The following CPEB3 variants were observed in gnomAD, a reference collection of about 807,000 sequenced individuals.
CPEB3 encodes the protein cytoplasmic polyadenylation element binding protein 3.
A neutral mutation model predicts 67.2 loss-of-function variants in CPEB3; 20 were observed. That is an observed-to-expected ratio of 0.30 (90% CI 0.21 to 0.43). The LOEUF is 0.43. Among genes scored for constraint, CPEB3 ranks in the 20% least tolerant of loss-of-function variants. CPEB3 has a pLI of 1.00. For missense variants in CPEB3, 746 were observed against 968.6 expected (o/e 0.77, Z 3.05); for synonymous variants, 376 against 393.1 (o/e 0.96, Z 0.51).
At position 92,132,694 on chromosome 10, in the gene CPEB3, C is replaced by T. The variant is rs766501608; in HGVS notation, c.1453+10335G>A. 5.2e-4 allele frequency among the ~76,000 whole-genome samples: 79 copies of T among 152,132 alleles called. 1 individual carries two copies. Among genetic ancestry groups the T allele is most frequent in the Non-Finnish European group, 8.4e-4 (57 of 68,032 alleles). On this transcript the variant is annotated intron_variant, in intron 6 of 9. Transcript: ENST00000265997. ...AATAGACGTCTACAGAACTCTCCAC[C>T]CCAAATCAACAGAACATACGTTCTT...
chr10:92,116,996 T>A (rs977826651), intron 6 of CPEB3, among the ~76,000 whole-genome samples: 1 of 152,136 alleles, frequency 6.6e-6, no homozygotes, highest in Non-Finnish European at 1.5e-5. Flanking sequence ...TGGCCAGGTG[T>A]GTGAAGTGTA....
intron 7 of CPEB3, among the ~76,000 whole-genome samples, chr10:92,106,271 CTT>C (rs1332522382): frequency 1.4e-5 from 2 of 145,262 alleles, no homozygotes; most frequent in African/African-American, 5.1e-5. Flanking sequence ...ATTTAATTAA[CTT>C]TTGGACACAA....
At chr10:92,133,346 G>A (rs1436422810) in intron 6 of CPEB3, among the ~76,000 whole-genome samples, 1 of 152,094 alleles carries the variant, frequency 6.6e-6, no homozygotes, top group Admixed American at 6.6e-5. Flanking sequence ...TATCACCACC[G>A]ATCCCACAGA....
At chr10:92,234,341 A>C (rs919169725) in intron 2 of CPEB3, among the ~76,000 whole-genome samples, 10 of 152,216 alleles carry the variant, frequency 6.6e-5, no homozygotes, top group African/African-American at 9.6e-5. Context: ...AACAGAAAAA[A>C]TTATAACCGA....
In CPEB3 at chr10:92,119,206, A is replaced by C. The variant is rs1590180780; in HGVS notation, c.1454-8012T>G. ...GCATCATATTCCTACACATTATTACATTCACCCATCTTTCTGTTTGTCACT... is the reference window on the plus strand; with the variant it reads ...GCATCATATTCCTACACATTATTACCTTCACCCATCTTTCTGTTTGTCACT... On this transcript the variant is annotated intron_variant, in intron 6 of 9. Coordinates refer to ENST00000265997, the MANE Select transcript of CPEB3 (RefSeq NM_014912.5). The C allele has an allele frequency of 4.4e-6, 7 of 1,582,326 alleles. No individual in the cohort carries two copies. The East Asian group carries it at 1.6e-4, about 35-fold the overall frequency.
chr10:92,186,714 C>T (rs190250000), intron 3 of CPEB3, among the ~76,000 whole-genome samples: 1 of 152,236 alleles, frequency 6.6e-6, no homozygotes, highest in East Asian at 1.9e-4. Context: ...GGATTATAGG[C>T]GTGAGCCACC....
At chr10:92,083,989 C>T (rs1843264477) in intron 8 of CPEB3, among the ~76,000 whole-genome samples, 1 of 152,184 alleles carries the variant, frequency 6.6e-6, no homozygotes, top group African/African-American at 2.4e-5. Context: ...GGAGACCATC[C>T]TGGCTAACAC....
intron 1 of CPEB3, among the ~76,000 whole-genome samples, chr10:92,257,855 G>A (rs1221782288): frequency 6.7e-6 from 1 of 149,942 alleles, no homozygotes; most frequent in African/African-American, 2.5e-5. Flanking sequence ...TCAGCCCCCT[G>A]AGTAGCTGGG....
intron 1 of CPEB3, among the ~76,000 whole-genome samples, chr10:92,274,660 G>A (rs910989274): frequency 3.9e-5 from 6 of 152,028 alleles, no homozygotes; most frequent in African/African-American, 1.4e-4. Flanking sequence ...CTCCAACATG[G>A]TGAAACCCCA....
intron 2 of CPEB3, among the ~76,000 whole-genome samples, chr10:92,233,703 T>G (rs536587992): frequency 6.6e-6 from 1 of 152,274 alleles, no homozygotes; most frequent in Admixed American, 6.5e-5. Context: ...AGAAACTTCT[T>G]CCTCAGTTAT....
At chr10:92,281,728 T>C (rs936203880) in intron 1 of CPEB3, among the ~76,000 whole-genome samples, 1 of 152,248 alleles carries the variant, frequency 6.6e-6, no homozygotes, top group Non-Finnish European at 1.5e-5. Context: ...TATCTTCTAC[T>C]GTTTAATCAT....
intron 1 of CPEB3, among the ~76,000 whole-genome samples, chr10:92,259,601 C>CAA (rs34744393): frequency 1.4e-5 from 2 of 143,906 alleles, no homozygotes; most frequent in South Asian, 2.3e-4. Context: ...AATTCCATCT[C>CAA]AAAAAAAAAA....
chr10:92,114,971 C>T (rs1464672072), intron 6 of CPEB3, among the ~76,000 whole-genome samples: 6 of 152,232 alleles, frequency 3.9e-5, no homozygotes, highest in Non-Finnish European at 8.8e-5. Context: ...TCATTACAAA[C>T]ATTAGAATTC....
chr10:92,281,754 C>G (rs1216743603), intron 1 of CPEB3, among the ~76,000 whole-genome samples: 1 of 152,082 alleles, frequency 6.6e-6, no homozygotes, highest in Non-Finnish European at 1.5e-5. Context: ...TTAAGTGAAA[C>G]TAGTTTTGTT....
At chr10:92,144,559 C>A (rs905676976) in intron 5 of CPEB3, among the ~76,000 whole-genome samples, 10 of 152,298 alleles carry the variant, frequency 6.6e-5, no homozygotes, top group Middle Eastern at 6.8e-3. Flanking sequence ...AACCACTGCA[C>A]TGGCCAGTAT....
At chr10:92,092,265 A>T (rs1340208780) in intron 7 of CPEB3, among the ~76,000 whole-genome samples, 1 of 152,132 alleles carries the variant, frequency 6.6e-6, no homozygotes, top group African/African-American at 2.4e-5. Flanking sequence ...GATTCATCTT[A>T]ACACATGATA....
Position 92,050,171 on chromosome 10 carries a change from G to A in CPEB3, c.*2041C>T, listed in dbSNP as rs1430280131. On this transcript the variant is annotated 3_prime_UTR_variant, in exon 10 of 10. Coordinates refer to ENST00000265997, the MANE Select transcript of CPEB3 (RefSeq NM_014912.5). ...AGATGAAAAAAAACCCACAAACATA[G>A]AAAAAAACAAACAAAACCACACCTG... is the stretch of plus-strand genomic sequence containing the variant. 6.6e-6 allele frequency: 1 copy of A among 150,604 alleles called. No homozygotes were observed. Among genetic ancestry groups the A allele is most frequent in the Non-Finnish European group, 1.5e-5 (1 of 67,542 alleles). The allele number at this position is 150,604 out of a possible 1,614,324, so 9.3% of individuals were successfully genotyped here.
At chr10:92,075,495 G>A (rs970121872) in intron 9 of CPEB3, among the ~76,000 whole-genome samples, 4 of 152,034 alleles carry the variant, frequency 2.6e-5, no homozygotes, top group African/African-American at 4.8e-5. Flanking sequence ...GTAAATATAC[G>A]AAAAAACATG....
chr10:92,139,394 G>C (rs1482711519), intron 6 of CPEB3, among the ~76,000 whole-genome samples: 1 of 151,928 alleles, frequency 6.6e-6, no homozygotes, highest in Non-Finnish European at 1.5e-5. Context: ...GATGGAACTG[G>C]AGGACATTAT....
Sources: gnomAD v4.1 joint callset for allele counts (sites outside exome capture counted in the v4.1 genomes callset) on GRCh38, gnomAD v4.1.1 for gene constraint, MANE v1.5 for transcripts, NCBI Gene and HGNC (gene_info 2026-07-23, HGNC 2026-07-21) for gene names.